CDC42SE2: variants seen among roughly 807,000 people sequenced by gnomAD.
CDC42SE2 encodes CDC42 small effector 2, also known as CDC42 small effector protein 2.
CDC42SE2 carries 3 observed loss-of-function variants against 11.5 expected under a neutral mutation model. The observed-to-expected ratio is 0.26, with a 90% CI of 0.12 to 0.67. The LOEUF (loss-of-function observed/expected upper bound fraction) is 0.67, where lower values mean the gene tolerates loss of function less well. Ranked by LOEUF, CDC42SE2 falls within the 30% of genes least tolerant of loss-of-function variation. CDC42SE2 has a pLI of 0.80. For missense variants in CDC42SE2, 82 were observed against 106.8 expected (o/e 0.77, Z 1.02); for synonymous variants, 33 against 34.8 (o/e 0.95, Z 0.18).
rs1750683016 is a variant in CDC42SE2 at position 131,392,280 on chromosome 5, C to T, written c.*1189C>T. The T allele has an allele frequency of 6.5e-6, 1 of 152,698 alleles. No individual in the cohort carries two copies. Among genetic ancestry groups the T allele is most frequent in the Non-Finnish European group, 1.5e-5 (1 of 68,032 alleles). The allele number at this position is 152,698 out of a possible 1,614,324, so 9.5% of individuals were successfully genotyped here. ...TATATTTTGGAAGGTATGAGACCCA[C>T]AAGCACAATGATCATTTTTATTTGT... On this transcript the variant is annotated 3_prime_UTR_variant, in exon 5 of 5. Coordinates refer to ENST00000505065, the MANE Select transcript of CDC42SE2 (RefSeq NM_001375635.1).
At chr5:131,331,519 A>G (rs1758419287) in intron 2 of CDC42SE2, among the ~76,000 whole-genome samples, 1 of 152,244 alleles carries the variant, frequency 6.6e-6, no homozygotes, top group African/African-American at 2.4e-5. Flanking sequence ...GATTACAAAA[A>G]TTAAATGAGA....
intron 3 of CDC42SE2, among the ~76,000 whole-genome samples, chr5:131,374,340 G>GACC (rs1394051368): frequency 2.0e-5 from 3 of 152,060 alleles, no homozygotes; most frequent in Non-Finnish European, 4.4e-5. Context: ...GTGAGTTCAA[G>GACC]ACCAGCCTGG....
At chr5:131,280,440 C>T (rs1027718784) in intron 1 of CDC42SE2, among the ~76,000 whole-genome samples, 5 of 152,026 alleles carry the variant, frequency 3.3e-5, no homozygotes, top group Non-Finnish European at 7.4e-5. Flanking sequence ...AAAAGTATTA[C>T]TTTTTATTAC....
At chr5:131,260,591 C>T (rs1418850877), upstream of CDC42SE2, among the ~76,000 whole-genome samples, 2 of 146,542 alleles carry the variant, frequency 1.4e-5, no homozygotes, top group African/African-American at 5.1e-5. Context: ...CACCACTGCA[C>T]TCCAGCCTGT....
At chr5:131,286,286 A>T (rs1757338420) in intron 1 of CDC42SE2, among the ~76,000 whole-genome samples, 1 of 148,002 alleles carries the variant, frequency 6.8e-6, no homozygotes, top group South Asian at 2.1e-4. Context: ...ATCTCACTGT[A>T]TTGCCCAGTC....
chr5:131,330,046 A>G (rs956472605), intron 2 of CDC42SE2, among the ~76,000 whole-genome samples: 4 of 152,016 alleles, frequency 2.6e-5, no homozygotes, highest in African/African-American at 7.2e-5. Context: ...AGTCTTGGCA[A>G]TTCTTCTCTT....
chr5:131,268,054 CTTTTTTTT>C (rs148354795), intron 1 of CDC42SE2, among the ~76,000 whole-genome samples: 2 of 65,476 alleles, frequency 3.1e-5, no homozygotes, highest in Non-Finnish European at 5.7e-5. Context: ...CATGCTTATT[CTTTTTTTT>C]TTTTTTTTTT....
rs1279643631 is a variant in CDC42SE2, at chr5:131,359,527, A to G, written c.34A>G (p.Ile12Val). 1 of 1,613,034 alleles carries G rather than the reference A, an allele frequency of 6.2e-7. No individual in the cohort carries two copies. The highest frequency in any genetic ancestry group is 1.1e-5 in the South Asian group (1 of 91,066). ...SEFWLCFNCCIAEQPQPKRRR... is the reference protein window; with the variant it reads ...SEFWLCFNCCVAEQPQPKRRR... ...ATTCTGGTTGTGTTTCAACTGCTGT[A>G]TTGCAGAACAGCCTCAGCCTGTAAG... The change falls in exon 3 of 5, where the codon ATT becomes GTT. Residue 12 changes from isoleucine (I) to valine (V), a missense_variant. Transcript: ENST00000505065.
At chr5:131,327,173 T>A (rs1758317181) in intron 2 of CDC42SE2, among the ~76,000 whole-genome samples, 1 of 152,194 alleles carries the variant, frequency 6.6e-6, no homozygotes, top group East Asian at 1.9e-4. Flanking sequence ...ATTTTTTCTA[T>A]TTTTGTTCTT....
intron 2 of CDC42SE2, among the ~76,000 whole-genome samples, chr5:131,333,741 T>A (rs9686380): frequency 1 from 152,182 of 152,186 alleles, 76,089 homozygotes; most frequent in Middle Eastern, 1. Context: ...TGTGAATGGG[T>A]GTTCACTCAT....
At chr5:131,234,969 A>C in the CDC42SE2 span, among the ~76,000 whole-genome samples, 3 of 150,624 alleles carry the variant, frequency 2.0e-5, no homozygotes, top group African/African-American at 4.9e-5. Context: ...ACTCACTGCA[A>C]CCTCTGCCAC....
intron 1 of CDC42SE2, among the ~76,000 whole-genome samples, chr5:131,306,006 GT>G (rs1757770621): frequency 6.6e-6 from 1 of 152,146 alleles, no homozygotes; most frequent in African/African-American, 2.4e-5. Context: ...ATTTACAGTA[GT>G]TTCACCTTAT....
chr5:131,295,617 A>G (rs1757554849), intron 1 of CDC42SE2, among the ~76,000 whole-genome samples: 1 of 152,122 alleles, frequency 6.6e-6, no homozygotes, highest in Admixed American at 6.5e-5. Flanking sequence ...AGAATAAACT[A>G]GTAATAATGT....
intron 1 of CDC42SE2, among the ~76,000 whole-genome samples, chr5:131,298,753 G>A (rs1437987520): frequency 1.3e-5 from 2 of 152,128 alleles, no homozygotes; most frequent in Non-Finnish European, 2.9e-5. Context: ...TTTGAAGGCT[G>A]TCATATCTTC....
intron 3 of CDC42SE2, among the ~76,000 whole-genome samples, chr5:131,380,102 T>C (rs1750274784): frequency 6.6e-6 from 1 of 151,936 alleles, no homozygotes. Flanking sequence ...AATTTTTTTT[T>C]CTTAAAGAAA....
intron 2 of CDC42SE2, among the ~76,000 whole-genome samples, chr5:131,334,498 T>G (rs1253316938): frequency 6.6e-6 from 1 of 152,174 alleles, no homozygotes; most frequent in African/African-American, 2.4e-5. Flanking sequence ...TTAGGGAGGA[T>G]TCCCTCTTTT....
the CDC42SE2 span, among the ~76,000 whole-genome samples, chr5:131,219,592 G>T: frequency 6.6e-6 from 1 of 152,110 alleles, no homozygotes; most frequent in Admixed American, 6.5e-5. Flanking sequence ...CAGAACTTGG[G>T]CTGCTATAAC....
At chr5:131,257,755 G>T (rs1319796187) in intron 2 of CDC42SE2, among the ~76,000 whole-genome samples, 2 of 152,118 alleles carry the variant, frequency 1.3e-5, no homozygotes, top group East Asian at 3.9e-4. Context: ...TAGGATTACA[G>T]GGGTAAGCCA....
At chr5:131,375,935 A>G (rs1750137664) in intron 3 of CDC42SE2, among the ~76,000 whole-genome samples, 1 of 152,250 alleles carries the variant, frequency 6.6e-6, no homozygotes, top group African/African-American at 2.4e-5. Context: ...CAGGACCTGG[A>G]CACTGTTAAG....
Sources: allele counts gnomAD v4.1 joint callset (sites outside exome capture counted in the v4.1 genomes callset), GRCh38; gene constraint gnomAD v4.1.1; transcripts MANE v1.5; gene names NCBI Gene and HGNC (gene_info 2026-07-23, HGNC 2026-07-21).